The following TAFA3 variants were observed in gnomAD, a reference collection of about 807,000 sequenced individuals.
TAFA3 encodes chemokine-like protein TAFA-3.
TAFA3 carries 17 observed loss-of-function variants against 20.7 expected under a neutral mutation model. That is an observed-to-expected ratio of 0.82 (90% CI 0.56 to 1.23). The LOEUF (loss-of-function observed/expected upper bound fraction) is 1.23. Ranked by LOEUF, TAFA3 falls within the 50% of genes most tolerant of loss-of-function variation. TAFA3 has a pLI of 0.00. For synonymous variants in TAFA3, 74 were observed against 71.8 expected (o/e 1.03, Z -0.16); for missense variants, 174 against 172.8 (o/e 1.01, Z -0.04).
At chr1:112,724,576 C>T (rs1303127650) in intron 5 of TAFA3, among the ~76,000 whole-genome samples, 1 of 124,806 alleles carries the variant, frequency 8.0e-6, no homozygotes, top group Admixed American at 1.0e-4. Context: ...TAGGTGGGAA[C>T]TGAACAATGA....
rs762099697 is a variant in TAFA3, at chr1:112,724,055, G to A, written c.308G>A (p.Cys103Tyr). The stretch of plus-strand genomic sequence containing the variant: ...AGATGGTGGTGTCAGATGGAGCCCT[G>A]CCTGCCGGGGGAGGAGTGTAAGGTG... Reference protein sequence around the residue: ...LQRWWCQMEPCLPGEECKVLP... With the variant: ...LQRWWCQMEPYLPGEECKVLP... Residue 103 changes from cysteine to tyrosine, a missense_variant, in exon 5 of 6, where the codon TGC (cysteine) becomes TAC (tyrosine). By Grantham distance (194) the Cys-to-Tyr change is radical. Transcript: ENST00000361886. The A allele has an allele frequency of 6.2e-6, 10 of 1,613,766 alleles. No homozygotes were observed. The Admixed American group carries it at 1.5e-4, about 24-fold the overall frequency.
At chr1:112,722,987 G>C (rs1412823341) in intron 3 of TAFA3, 29 bp from the exon 4 acceptor site, 1 of 1,588,754 alleles carries the variant, frequency 6.3e-7, no homozygotes, top group Non-Finnish European at 8.6e-7. Context: ...GGGCGTGTTG[G>C]GCGTCTGATC....
At chr1:112,723,941 G>A (rs764500187) in intron 4 of TAFA3, 72 bp from the exon 5 acceptor site, 5 of 1,613,204 alleles carry the variant, frequency 3.1e-6, no homozygotes, top group East Asian at 4.5e-5. Context: ...CACCTCATTC[G>A]CAGACCTGCT....
intron 5 of TAFA3, among the ~76,000 whole-genome samples, chr1:112,725,504 C>T (rs1401682347): frequency 6.6e-6 from 1 of 151,836 alleles, no homozygotes; most frequent in South Asian, 2.1e-4. Context: ...CACTCTGTCA[C>T]TCACCTCTGC....
chr1:112,724,027 CAG>C lies in TAFA3; in HGVS notation c.284_285del (p.Arg95MetfsTer15). The C allele has an allele frequency of 6.2e-7, 1 of 1,613,972 alleles. No individual in the cohort carries two copies. The highest frequency in any genetic ancestry group is 8.5e-7 in the Non-Finnish European group (1 of 1,179,980). On this transcript the variant is annotated frameshift_variant, in exon 5 of 6. Transcript: ENST00000361886. LOFTEE classifies it high-confidence loss of function. ...PSCVDASIVLQRWWCQMEPCL... is the reference protein window; with the variant it reads ...PSCVDASIVLXRWWCQMEPCL... ...TGCTCCCACAGCCTCCATCGTCCTGCAGAGATGGTGGTGTCAGATGGAGCCCT... is the reference window on the plus strand; with the variant it reads ...TGCTCCCACAGCCTCCATCGTCCTGCAGATGGTGGTGTCAGATGGAGCCCT...
intron 5 of TAFA3, among the ~76,000 whole-genome samples, chr1:112,724,489 A>G (rs981629218): frequency 6.6e-6 from 1 of 151,830 alleles, no homozygotes; most frequent in Non-Finnish European, 1.5e-5. Context: ...TTGTAGGGAC[A>G]TGGATGAAAT....
chr1:112,724,366 G>T (rs144368282), intron 5 of TAFA3, among the ~76,000 whole-genome samples: 1 of 151,872 alleles, frequency 6.6e-6, no homozygotes, highest in Non-Finnish European at 1.5e-5. Flanking sequence ...GTCCATATAC[G>T]CTGGTTTCCT....
intron 4 of TAFA3, 47 bp downstream of exon 4, chr1:112,723,212 A>G (rs768425116): frequency 6.3e-7 from 1 of 1,592,760 alleles, no homozygotes; most frequent in African/African-American, 1.3e-5. Context: ...CAGAGCCATA[A>G]GGAGGCCTGT....
chr1:112,723,044 G>C lies in TAFA3; in HGVS notation c.144G>C (p.Val48=), dbSNP rs373629451. The change falls in exon 4 of 6, where the codon GTG becomes GTC. Residue 48 remains valine, a synonymous_variant. Transcript: ENST00000361886. ...TVLVQQGTCE[V]IAAHRCCNRN... is the part of the protein sequence containing the mutation. ...TTGTGCAGCAGGGCACCTGCGAGGT[G>C]ATTGCGGCTCACCGCTGCTGCAACC... The C allele has an allele frequency of 1.8e-5, 29 of 1,612,988 alleles. No homozygotes were observed. Among genetic ancestry groups the C allele is most frequent in the Middle Eastern group, 1.7e-4 (1 of 6,006 alleles).
At position 112,723,280 on chromosome 1, in the gene TAFA3, G is replaced by A. The variant is rs1368512450; in HGVS notation, c.265+115G>A. 2.9e-6 allele frequency: 4 copies of A among 1,378,878 alleles called. No individual in the cohort carries two copies. The African/African-American group carries it at 4.4e-5, about 15-fold the overall frequency. The allele number at this position is 1,378,878 out of a possible 1,614,324, so 85.4% of individuals were successfully genotyped here. A position where few individuals can be genotyped will look rare whatever the true frequency, so the allele number is the denominator to read the frequency against. On this transcript the variant is annotated intron_variant, in intron 4 of 5. Transcript: ENST00000361886. ...CATACCCGTCTCAGGGCTTTCATGA[G>A]CAGTCTCAAATGGTGGGGCCCCCTC...
At chr1:112,724,334 G>A (rs895302481) in intron 5 of TAFA3, among the ~76,000 whole-genome samples, 197 bp downstream of exon 5, 17 of 152,030 alleles carry the variant, frequency 1.1e-4, no homozygotes, top group Admixed American at 1.0e-3. Flanking sequence ...GAAATCCAGT[G>A]TGTCCTGGGA....
chr1:112,723,208 C>T (rs1570853041), intron 4 of TAFA3, 43 bp downstream of exon 4: 1 of 1,595,554 alleles, frequency 6.3e-7, no homozygotes, highest in South Asian at 1.1e-5. Flanking sequence ...TGAGCAGAGC[C>T]ATAAGGAGGC....
intron 4 of TAFA3, 21 bp downstream of exon 4, chr1:112,723,186 C>G (rs1475479763): frequency 6.2e-7 from 1 of 1,609,422 alleles, no homozygotes; most frequent in East Asian, 2.2e-5. Context: ...GGCCAGGACC[C>G]GGGCAGGGCC....
At chr1:112,724,577 T>G (rs61818824) in intron 5 of TAFA3, among the ~76,000 whole-genome samples, 13,522 of 124,478 alleles carry the variant, frequency 0.11, 838 homozygotes, top group Middle Eastern at 0.14. Flanking sequence ...AGGTGGGAAC[T>G]GAACAATGAG....
chr1:112,724,816 C>CAAAAAAAAAAAAAA, intron 5 of TAFA3, among the ~76,000 whole-genome samples: 9 of 22,662 alleles, frequency 4.0e-4, no homozygotes, highest in African/African-American at 4.2e-4. Context: ...ATTAGAGCAG[C>CAAAAAAAAAAAAAA]AAAAAAAAAA....
Position 112,726,776 on chromosome 1 carries a change from C to A in TAFA3, c.*136C>A. The A allele has an allele frequency of 7.2e-7, 1 of 1,387,434 alleles. No individual in the cohort carries two copies. The highest frequency in any genetic ancestry group is 1.0e-6 in the Non-Finnish European group (1 of 984,662). 85.9% of individuals were successfully genotyped at this position (1,387,434 alleles called of 1,614,324 possible). A position where few individuals can be genotyped will look rare whatever the true frequency, so the allele number is the denominator to read the frequency against. ...AAATGCAGCATCAGTCTTTCCGGGG[C>A]ATTTCAGTTAAGCTGCTCAGCAGAT... On this transcript the variant is annotated 3_prime_UTR_variant, in exon 6 of 6. Coordinates refer to ENST00000361886, the MANE Select transcript of TAFA3 (RefSeq NM_182759.3).
In TAFA3 at chr1:112,719,002, G is replaced by A. The variant is rs894079133; in HGVS notation, c.-357G>A. On this transcript the variant is annotated 5_prime_UTR_variant, in exon 1 of 6. Coordinates refer to ENST00000361886, the MANE Select transcript of TAFA3 (RefSeq NM_182759.3). ...TGCGGCGGCGGCTGCGCGCTCCCCG[G>A]CCTGCCGGCAGGAACCTTGGAAAAA... is the stretch of plus-strand genomic sequence containing the variant. Among the ~76,000 whole-genome samples the A allele has an allele frequency of 6.6e-6, 1 of 152,218 alleles. No individual in the cohort carries two copies. The highest frequency in any genetic ancestry group is 1.5e-5 in the Non-Finnish European group (1 of 68,022).
At chr1:112,721,228 T>C (rs1293536925) in intron 2 of TAFA3, among the ~76,000 whole-genome samples, 1 of 152,252 alleles carries the variant, frequency 6.6e-6, no homozygotes, top group Non-Finnish European at 1.5e-5. Context: ...AGTTTCCCTT[T>C]TGGATGGCAA....
intron 5 of TAFA3, among the ~76,000 whole-genome samples, chr1:112,725,739 C>G (rs1035752228): frequency 6.6e-6 from 1 of 152,220 alleles, no homozygotes; most frequent in Non-Finnish European, 1.5e-5. Context: ...ATTGCTCTGC[C>G]GTCACCATTG....
Sources: allele counts gnomAD v4.1 joint callset (sites outside exome capture counted in the v4.1 genomes callset), GRCh38; gene constraint gnomAD v4.1.1; transcripts MANE v1.5; gene names NCBI Gene and HGNC (gene_info 2026-07-23, HGNC 2026-07-21).